Variants in ATP8A2 observed in about 807,000 individuals in gnomAD.
ATP8A2 encodes ATPase phospholipid transporting 8A2.
A neutral mutation model predicts 165.6 loss-of-function variants in ATP8A2; 100 were observed. That is an observed-to-expected ratio of 0.60 (90% CI 0.51 to 0.71). ATP8A2 has a LOEUF of 0.71. Among genes scored for constraint, ATP8A2 ranks in the 30% least tolerant of loss-of-function variants. The probability of loss-of-function intolerance (pLI) is 0.00; values close to 1 mark genes in which losing one functional copy is unlikely to be tolerated. For missense variants in ATP8A2, 1,227 were observed against 1,479.5 expected, an observed-to-expected ratio of 0.83 and a Z score of 2.80; for synonymous variants, 543 against 548.8, an observed-to-expected ratio of 0.99 and a Z score of 0.15.
intron 24 of ATP8A2, among the ~76,000 whole-genome samples, chr13:25,685,361 T>C (rs2042579014): frequency 6.6e-6 from 1 of 152,230 alleles, no homozygotes; most frequent in South Asian, 2.1e-4. Flanking sequence ...TTGAATATAC[T>C]TTGCAAGCCA....
chr13:25,926,841 A>G (rs760718104), intron 33 of ATP8A2, among the ~76,000 whole-genome samples: 14 of 152,218 alleles, frequency 9.2e-5, no homozygotes, highest in African/African-American at 3.1e-4. Flanking sequence ...CTCTACAGAA[A>G]TTCTACAATT....
chr13:25,493,848 T>C (rs1174564934), intron 2 of ATP8A2, among the ~76,000 whole-genome samples: 2 of 151,176 alleles, frequency 1.3e-5, no homozygotes, highest in Admixed American at 6.6e-5. Context: ...CCCTGGGAGG[T>C]GTAGGGGCTA....
At chr13:25,865,499 G>A (rs532915676) in intron 33 of ATP8A2, among the ~76,000 whole-genome samples, 48 of 152,284 alleles carry the variant, frequency 3.2e-4, no homozygotes, top group African/African-American at 1.2e-3. Context: ...CATTGTTTCT[G>A]CTGGGGGTTT....
chr13:25,544,260 A>T (rs993002119), intron 10 of ATP8A2, among the ~76,000 whole-genome samples: 3 of 152,364 alleles, frequency 2.0e-5, no homozygotes, highest in Admixed American at 6.5e-5. Flanking sequence ...GTGTGTCATT[A>T]CTAAGTGCTG....
At chr13:25,723,827 A>G (rs2043435804) in intron 25 of ATP8A2, among the ~76,000 whole-genome samples, 1 of 151,790 alleles carries the variant, frequency 6.6e-6, no homozygotes, top group Non-Finnish European at 1.5e-5. Context: ...ACTTTAGGAA[A>G]GGGAGATTAT....
intron 2 of ATP8A2, among the ~76,000 whole-genome samples, chr13:25,514,838 G>A (rs188902055): frequency 6.6e-6 from 1 of 152,226 alleles, no homozygotes; most frequent in Admixed American, 6.5e-5. Context: ...CCTGTCCACA[G>A]GCTCCCCTGT....
intron 24 of ATP8A2, among the ~76,000 whole-genome samples, chr13:25,689,965 A>G (rs2042687616): frequency 6.6e-6 from 1 of 152,238 alleles, no homozygotes; most frequent in Non-Finnish European, 1.5e-5. Flanking sequence ...AAACATATAC[A>G]TTATTTTTGA....
At chr13:25,583,211 A>G (rs1249941007) in intron 23 of ATP8A2, among the ~76,000 whole-genome samples, 3 of 152,226 alleles carry the variant, frequency 2.0e-5, no homozygotes, top group East Asian at 1.9e-4. Context: ...ATATTTCTGT[A>G]TAAGTATATA....
chr13:25,700,622 T>G (rs1226274990), intron 25 of ATP8A2, among the ~76,000 whole-genome samples: 2 of 152,194 alleles, frequency 1.3e-5, no homozygotes, highest in Non-Finnish European at 2.9e-5. Flanking sequence ...GAATTTGGGT[T>G]TTTTACCCTT....
At chr13:25,723,074 A>G (rs2043415703) in intron 25 of ATP8A2, among the ~76,000 whole-genome samples, 1 of 152,208 alleles carries the variant, frequency 6.6e-6, no homozygotes, top group South Asian at 2.1e-4. Context: ...TTACTTTATT[A>G]TTCTCCTGGT....
At chr13:25,875,313 G>A (rs1490649450) in intron 33 of ATP8A2, among the ~76,000 whole-genome samples, 2 of 151,912 alleles carry the variant, frequency 1.3e-5, no homozygotes, top group Non-Finnish European at 2.9e-5. Flanking sequence ...TCTGTAAACT[G>A]GAAGCTCTGT....
chr13:25,689,837 G>A (rs1419349309), intron 24 of ATP8A2, among the ~76,000 whole-genome samples: 2 of 151,950 alleles, frequency 1.3e-5, no homozygotes, highest in Non-Finnish European at 2.9e-5. Context: ...TCTTCTTGTA[G>A]GAAGATCACA....
chr13:25,509,181 G>A (rs1347654941), intron 2 of ATP8A2, among the ~76,000 whole-genome samples: 1 of 152,160 alleles, frequency 6.6e-6, no homozygotes. Context: ...AAGTATGTGA[G>A]TCATATTGGA....
At chr13:25,932,313 A>G (rs1046680639) in intron 33 of ATP8A2, among the ~76,000 whole-genome samples, 2 of 152,204 alleles carry the variant, frequency 1.3e-5, no homozygotes, top group African/African-American at 4.8e-5. Flanking sequence ...AAGAAACGCC[A>G]GGGAGCATTT....
At chr13:25,749,102 G>T (rs769444041) in intron 25 of ATP8A2, among the ~76,000 whole-genome samples, 2 of 152,170 alleles carry the variant, frequency 1.3e-5, no homozygotes, top group African/African-American at 2.4e-5. Context: ...TGGATCCTTA[G>T]GTTGTTTTTC....
At chr13:25,423,803 G>T (rs1271751162) in intron 1 of ATP8A2, among the ~76,000 whole-genome samples, 2 of 152,160 alleles carry the variant, frequency 1.3e-5, no homozygotes, top group African/African-American at 4.8e-5. Flanking sequence ...GTCTACTAGG[G>T]ACTAGTAAGC....
intron 33 of ATP8A2, among the ~76,000 whole-genome samples, chr13:25,952,820 C>T (rs574156266): frequency 7.5e-4 from 114 of 152,276 alleles, no homozygotes; most frequent in Middle Eastern, 3.4e-3. Flanking sequence ...ATTGTGTCAG[C>T]GCCACACAGC....
chr13:25,936,889 G>A (rs922292144), intron 33 of ATP8A2, among the ~76,000 whole-genome samples: 2 of 152,126 alleles, frequency 1.3e-5, no homozygotes, highest in African/African-American at 4.8e-5. Context: ...GAACTCTGTG[G>A]GCTATGAAAG....
At chr13:25,892,948 C>G (rs1254089467) in intron 33 of ATP8A2, among the ~76,000 whole-genome samples, 1 of 152,000 alleles carries the variant, frequency 6.6e-6, no homozygotes, top group Non-Finnish European at 1.5e-5. Flanking sequence ...ATTAGATAGG[C>G]TCAGGTTTGG....
Sources: gnomAD v4.1 joint callset for allele counts (sites outside exome capture counted in the v4.1 genomes callset) on GRCh38, gnomAD v4.1.1 for gene constraint, MANE v1.5 for transcripts, NCBI Gene and HGNC (gene_info 2026-07-23, HGNC 2026-07-21) for gene names.